The following SOCS5 variants were observed in gnomAD, a reference collection of about 807,000 sequenced individuals.
SOCS5 encodes CIS-6.
Under a neutral mutation model 42.8 loss-of-function variants are expected in SOCS5, and 32 were observed. That is an observed-to-expected ratio of 0.75 (90% CI 0.56 to 1.01). The LOEUF (loss-of-function observed/expected upper bound fraction) is 1.01. Ranked by LOEUF, SOCS5 falls within the 50% of genes least tolerant of loss-of-function variation. The pLI, the probability that SOCS5 is intolerant of heterozygous loss-of-function variation, is 0.00. For missense variants in SOCS5, 627 were observed against 653.0 expected (o/e 0.96, Z 0.43); for synonymous variants, 283 against 229.6 (o/e 1.23, Z -2.10).
chr2:46,761,202 T>C lies in SOCS5; in HGVS notation c.*1061T>C, dbSNP rs572347333. The C allele has an allele frequency of 3.6e-5, 6 of 167,130 alleles. No homozygotes were observed. The highest frequency in any genetic ancestry group is 7.3e-5 in the Non-Finnish European group (5 of 68,120). 10.4% of individuals were successfully genotyped at this position (167,130 alleles called of 1,614,324 possible). ...TAAATTGCAGATTTAAAAGGTACTGTACAACCATTATATCTGTAAATAACT... is the reference window on the plus strand; with the variant it reads ...TAAATTGCAGATTTAAAAGGTACTGCACAACCATTATATCTGTAAATAACT... On this transcript the variant is annotated 3_prime_UTR_variant, in exon 2 of 2. Coordinates refer to ENST00000394861, the MANE Select transcript of SOCS5 (RefSeq NM_144949.3).
Position 46,762,639 on chromosome 2 carries a change from A to G in SOCS5, c.*2498A>G, listed in dbSNP as rs994167794. On this transcript the variant is annotated 3_prime_UTR_variant, in exon 2 of 2. Transcript: ENST00000394861. ...AAATATTAGTGGCTTACATTTTAAA[A>G]AAGAAAAATCACCAGCATGAACTTG... The G allele has an allele frequency of 1.2e-5, 2 of 165,948 alleles. No individual in the cohort carries two copies. The highest frequency in any genetic ancestry group is 2.9e-5 in the Non-Finnish European group (2 of 68,088). The allele number at this position is 165,948 out of a possible 1,614,324, so 10.3% of individuals were successfully genotyped here.
chr2:46,740,002 C>A, intron 1 of SOCS5, among the ~76,000 whole-genome samples: 1 of 152,218 alleles, frequency 6.6e-6, no homozygotes, highest in East Asian at 1.9e-4. Context: ...AAGCCTTTAT[C>A]TGTAGAATAC....
At chr2:46,752,925 A>G (rs988224135) in intron 1 of SOCS5, among the ~76,000 whole-genome samples, 3 of 152,140 alleles carry the variant, frequency 2.0e-5, no homozygotes, top group Non-Finnish European at 4.4e-5. Flanking sequence ...TTGATCTTCA[A>G]TCCTATAGAT....
rs1439459339 is a variant in SOCS5, at chr2:46,709,006, C to T, written c.-13+9557C>T. ...GGTTCAACAGATTCTCCTGCCTCAG[C>T]CTCCCAAGTAGCGGGGACTACAGGC... On this transcript the variant is annotated intron_variant, in intron 1 of 1. Transcript: ENST00000394861. Among the ~76,000 whole-genome samples the T allele has an allele frequency of 2.0e-5, 3 of 151,518 alleles. No homozygotes were observed. The South Asian group carries it at 6.3e-4, about 32-fold the overall frequency.
At chr2:46,704,744 C>G (rs1243727406) in intron 1 of SOCS5, among the ~76,000 whole-genome samples, 1 of 152,168 alleles carries the variant, frequency 6.6e-6, no homozygotes, top group Non-Finnish European at 1.5e-5. Flanking sequence ...TCTGAAACAG[C>G]TTCTGAGCAA....
At chr2:46,737,330 T>G (rs1046810446) in intron 1 of SOCS5, among the ~76,000 whole-genome samples, 2 of 152,206 alleles carry the variant, frequency 1.3e-5, no homozygotes, top group African/African-American at 4.8e-5. Context: ...GACTGGACAA[T>G]GAGAAGAAAT....
Position 46,759,402 on chromosome 2 carries a change from C to T in SOCS5, c.872C>T (p.Ala291Val). ...NAQIHTFEATAQVNPLYKLGP... is the reference protein window; with the variant it reads ...NAQIHTFEATVQVNPLYKLGP... ...CAAATACATACATTTGAAGCTACTG[C>T]ACAGGTTAATCCATTATATAAACTG... is the stretch of plus-strand genomic sequence containing the variant. Residue 291 changes from alanine to valine, a missense_variant, in exon 2 of 2, where the codon GCA (alanine) becomes GTA (valine). Ala to Val is a moderately conservative substitution (Grantham distance 64). Coordinates refer to ENST00000394861, the MANE Select transcript of SOCS5 (RefSeq NM_144949.3). 6.2e-7 allele frequency: 1 copy of T among 1,613,958 alleles called. No homozygotes were observed. Among genetic ancestry groups the T allele is most frequent in the Non-Finnish European group, 8.5e-7 (1 of 1,179,844 alleles).
At chr2:46,729,839 C>G (rs1240314999) in intron 1 of SOCS5, among the ~76,000 whole-genome samples, 1 of 152,146 alleles carries the variant, frequency 6.6e-6, no homozygotes, top group African/African-American at 2.4e-5. Flanking sequence ...ACTTTGTAGA[C>G]TTTTTAATTC....
chr2:46,738,854 T>C (rs898015336), intron 1 of SOCS5, among the ~76,000 whole-genome samples: 1 of 152,180 alleles, frequency 6.6e-6, no homozygotes, highest in African/African-American at 2.4e-5. Context: ...TTTTTTCCCA[T>C]ACAGTCAAAT....
rs146526286 is a variant in SOCS5, at chr2:46,757,547, A to C, written c.-12-972A>C. Reference sequence around the variant, plus strand: ...TTTATTACAGTTTCCCAACTCTTCCAGGATTAAAGAATTGGGAAGTTTAAA... The same window carrying C: ...TTTATTACAGTTTCCCAACTCTTCCCGGATTAAAGAATTGGGAAGTTTAAA... On this transcript the variant is annotated intron_variant, in intron 1 of 1. Coordinates refer to ENST00000394861, the MANE Select transcript of SOCS5 (RefSeq NM_144949.3). Among the ~76,000 whole-genome samples the C allele has an allele frequency of 1.2e-4, 19 of 152,266 alleles. 1 individual carries two copies. The East Asian group carries it at 3.7e-3, about 29-fold the overall frequency.
chr2:46,743,147 G>A (rs189023019), intron 1 of SOCS5, among the ~76,000 whole-genome samples: 1 of 151,940 alleles, frequency 6.6e-6, no homozygotes, highest in Non-Finnish European at 1.5e-5. Flanking sequence ...TCCTTCCACT[G>A]CATATATGTA....
chr2:46,743,760 A>T (rs1673429975), intron 1 of SOCS5, among the ~76,000 whole-genome samples: 1 of 152,188 alleles, frequency 6.6e-6, no homozygotes, highest in East Asian at 1.9e-4. Context: ...TAAGCGTCAT[A>T]CAAGGGACTG....
At position 46,699,669 on chromosome 2, in the gene SOCS5, C is replaced by T. The variant is rs936804391; in HGVS notation, c.-13+220C>T. ...GCCGCGAGCCCCGTGCAGACCACGC[C>T]GCTCACAGTGGGAGCTTGCGCTTAG... On this transcript the variant is annotated intron_variant, in intron 1 of 1. Coordinates refer to ENST00000394861, the MANE Select transcript of SOCS5 (RefSeq NM_144949.3). This position sits in a 1 kb window ranked among gnomAD's most constrained non-coding sequence, Gnocchi z 4.8. Among the ~76,000 whole-genome samples, 1 of 152,306 alleles carries T rather than the reference C, an allele frequency of 6.6e-6. No individual in the cohort carries two copies. Among genetic ancestry groups the T allele is most frequent in the South Asian group, 2.1e-4 (1 of 4,826 alleles).
In SOCS5 at chr2:46,761,876, A is replaced by C. The variant is rs957774124; in HGVS notation, c.*1735A>C. The stretch of plus-strand genomic sequence containing the variant: ...TATAACAGAAAACTGACAGAGAAGT[A>C]ATAAACCTATTGATTTCTCTGCTTA... On this transcript the variant is annotated 3_prime_UTR_variant, in exon 2 of 2. Coordinates refer to ENST00000394861, the MANE Select transcript of SOCS5 (RefSeq NM_144949.3). The C allele has an allele frequency of 1.8e-5, 3 of 166,980 alleles. No homozygotes were observed. Among genetic ancestry groups the C allele is most frequent in the Admixed American group, 6.5e-5 (1 of 15,286 alleles). The allele number at this position is 166,980 out of a possible 1,614,324, so 10.3% of individuals were successfully genotyped here.
chr2:46,702,805 A>G (rs759951997), intron 1 of SOCS5, among the ~76,000 whole-genome samples: 4 of 152,254 alleles, frequency 2.6e-5, no homozygotes, highest in Non-Finnish European at 4.4e-5. Flanking sequence ...TGACGGTGAC[A>G]GTTTGAGTTA....
intron 1 of SOCS5, among the ~76,000 whole-genome samples, chr2:46,717,527 T>G (rs1378996735): frequency 2.0e-5 from 3 of 151,402 alleles, no homozygotes; most frequent in African/African-American, 4.9e-5. Context: ...GGGTTAACGG[T>G]TTTTTTTTCT....
chr2:46,756,616 A>T (rs1673736624), intron 1 of SOCS5, among the ~76,000 whole-genome samples: 1 of 152,226 alleles, frequency 6.6e-6, no homozygotes, highest in Non-Finnish European at 1.5e-5. Flanking sequence ...GTTTTTTGTT[A>T]AGAGTCTTGT....
intron 1 of SOCS5, among the ~76,000 whole-genome samples, chr2:46,740,575 AG>A (rs1673351334): frequency 1.3e-5 from 2 of 152,174 alleles, no homozygotes; most frequent in South Asian, 4.1e-4. Flanking sequence ...AATTAGCAAA[AG>A]GTATGAGAAA....
At chr2:46,702,526 C>A (rs768554608) in intron 1 of SOCS5, among the ~76,000 whole-genome samples, 1 of 152,154 alleles carries the variant, frequency 6.6e-6, no homozygotes, top group Non-Finnish European at 1.5e-5. Flanking sequence ...TACTAGAGTA[C>A]TAGAGACCTG....
Sources: allele counts gnomAD v4.1 joint callset (sites outside exome capture counted in the v4.1 genomes callset), GRCh38; gene constraint gnomAD v4.1.1; non-coding constraint Gnocchi (gnomAD v3.1); transcripts MANE v1.5; gene names NCBI Gene and HGNC (gene_info 2026-07-23, HGNC 2026-07-21).